Variants in ZNF675 observed in about 807,000 individuals in gnomAD.
ZNF675 encodes TRAF6 inhibitory zinc finger.
In ZNF675, 36 loss-of-function variants were observed where a neutral mutation model predicts 56.1. That is an observed-to-expected ratio of 0.64 (90% CI 0.49 to 0.85). ZNF675 has a LOEUF of 0.85. Among genes scored for constraint, ZNF675 ranks in the 40% least tolerant of loss-of-function variants. ZNF675 has a pLI of 0.00. For synonymous variants in ZNF675, 200 were observed against 218.9 expected (o/e 0.91, Z 0.76); for missense variants, 663 against 654.2 (o/e 1.01, Z -0.15).
intron 1 of ZNF675, among the ~76,000 whole-genome samples, chr19:23,683,111 T>A (rs1968398001): frequency 6.6e-6 from 1 of 151,028 alleles, no homozygotes; most frequent in Non-Finnish European, 1.5e-5. Flanking sequence ...ATCACTTGAA[T>A]CTGGGAGGCG....
chr19:23,669,191 G>T (rs1322281649), intron 1 of ZNF675, among the ~76,000 whole-genome samples: 7 of 152,228 alleles, frequency 4.6e-5, no homozygotes, highest in African/African-American at 1.7e-4. Flanking sequence ...GATGTTCTCT[G>T]AAGGCCAATG....
At chr19:23,683,914 A>G (rs910855649) in intron 1 of ZNF675, among the ~76,000 whole-genome samples, 2 of 152,134 alleles carry the variant, frequency 1.3e-5, no homozygotes, top group Non-Finnish European at 2.9e-5. Flanking sequence ...CTCTTTGCAC[A>G]TATTTTCTTC....
intron 1 of ZNF675, among the ~76,000 whole-genome samples, chr19:23,681,404 T>C (rs1271108869): frequency 6.6e-6 from 1 of 151,578 alleles, no homozygotes; most frequent in Non-Finnish European, 1.5e-5. Context: ...ATCACAGCTC[T>C]TGTCCTTTAA....
intron 1 of ZNF675, among the ~76,000 whole-genome samples, chr19:23,679,322 A>G (rs1283287581): frequency 1.3e-5 from 2 of 151,768 alleles, no homozygotes; most frequent in Admixed American, 1.3e-4. Context: ...TGCAGTAATA[A>G]CTATTTAGCA....
At chr19:23,672,521 T>A (rs1420177066) in intron 1 of ZNF675, among the ~76,000 whole-genome samples, 2 of 152,200 alleles carry the variant, frequency 1.3e-5, no homozygotes. Context: ...ATGTCCCCCG[T>A]ATGTTTTCTG....
Position 23,653,131 on chromosome 19 carries a change from T to C in ZNF675, c.*95A>G, listed in dbSNP as rs1259967314. 3.4e-6 allele frequency: 4 copies of C among 1,188,672 alleles called. No homozygotes were observed. Among genetic ancestry groups the C allele is most frequent in the Non-Finnish European group, 3.5e-6 (3 of 856,026 alleles). 73.6% of individuals were successfully genotyped at this position (1,188,672 alleles called of 1,614,324 possible). On this transcript the variant is annotated 3_prime_UTR_variant, in exon 4 of 4. Transcript: ENST00000359788. The stretch of plus-strand genomic sequence containing the variant: ...CATACAATGAAGTGTGAAAACCATT[T>C]AAAGTCTTTGACACATTCTTTACAT...
chr19:23,670,626 C>T (rs1294372601), intron 1 of ZNF675, among the ~76,000 whole-genome samples: 1 of 152,044 alleles, frequency 6.6e-6, no homozygotes, highest in Non-Finnish European at 1.5e-5. Flanking sequence ...AGGGGGAACA[C>T]TGTATTGAAC....
In ZNF675 at chr19:23,654,280, T is replaced by C; in HGVS notation, c.653A>G (p.His218Arg). 1.2e-6 allele frequency: 2 copies of C among 1,612,050 alleles called. No individual in the cohort carries two copies. The highest frequency in any genetic ancestry group is 1.3e-5 in the African/African-American group (1 of 74,788). ...TTTCTCACAAGTATAAATTCTTTTA[T>C]GTTTAGTAAGCTTTGAAGATTGGTT... ...AVNQSSKLTK[H>R]KRIYTCEKLY... Residue 218 changes from histidine (H) to arginine (R), a missense_variant, in exon 4 of 4, where the codon CAT (histidine) becomes CGT (arginine). His to Arg is a conservative substitution (Grantham distance 29). This residue lies in a region of ZNF675 where 617 missense variants were observed against 590.5 expected (regional missense o/e 1.04). Transcript: ENST00000359788.
At chr19:23,685,552 T>C (rs1003565072) in intron 1 of ZNF675, among the ~76,000 whole-genome samples, 1 of 152,180 alleles carries the variant, frequency 6.6e-6, no homozygotes, top group African/African-American at 2.4e-5. Flanking sequence ...TCTGATACTA[T>C]CTCTGTGCCT....
Position 23,662,107 on chromosome 19 carries a change from C to T in ZNF675, c.226+7G>A, listed in dbSNP as rs758643369. The stretch of plus-strand genomic sequence containing the variant: ...CACCTGTTGTATTCACTTTCATTCT[C>T]ACTTACCTGGGGGTTCATTCACCAT... On this transcript the variant is annotated splice_region_variant and intron_variant, in intron 3 of 3. Transcript: ENST00000359788. 51 of 1,608,504 alleles carry T rather than the reference C, an allele frequency of 3.2e-5. No individual in the cohort carries two copies. The highest frequency in any genetic ancestry group is 4.2e-5 in the Non-Finnish European group (49 of 1,175,274).
At chr19:23,685,640 T>C (rs1283633433) in intron 1 of ZNF675, among the ~76,000 whole-genome samples, 3 of 152,194 alleles carry the variant, frequency 2.0e-5, no homozygotes, top group African/African-American at 7.2e-5. Context: ...TTTCTTCTCA[T>C]AAAAAATATT....
chr19:23,668,204 T>C (rs1046454813), intron 1 of ZNF675, among the ~76,000 whole-genome samples: 1 of 149,800 alleles, frequency 6.7e-6, no homozygotes, highest in Non-Finnish European at 1.5e-5. Flanking sequence ...GATTGGTGTA[T>C]TTACAATCCC....
intron 1 of ZNF675, among the ~76,000 whole-genome samples, chr19:23,676,481 G>C (rs992456787): frequency 1.3e-5 from 2 of 151,584 alleles, no homozygotes; most frequent in Non-Finnish European, 2.9e-5. Flanking sequence ...ACCAAATCCA[G>C]CAGCACATCA....
In ZNF675 at chr19:23,687,134, G is replaced by A. The variant is rs1274145384; in HGVS notation, c.-101C>T. 4.1e-6 allele frequency: 6 copies of A among 1,459,986 alleles called. No homozygotes were observed. The highest frequency in any genetic ancestry group is 1.4e-5 in the African/African-American group (1 of 71,278). 90.4% of individuals were successfully genotyped at this position (1,459,986 alleles called of 1,614,324 possible). On this transcript the variant is annotated 5_prime_UTR_variant, in exon 1 of 4. Coordinates refer to ENST00000359788, the MANE Select transcript of ZNF675 (RefSeq NM_138330.3). Reference sequence around the variant, plus strand: ...TGGACCTCTAGGAGCAGAGGACACAGAGCAATGAAAGCGAGACCTGGAGCT... The same window carrying A: ...TGGACCTCTAGGAGCAGAGGACACAAAGCAATGAAAGCGAGACCTGGAGCT...
intron 3 of ZNF675, among the ~76,000 whole-genome samples, chr19:23,659,821 C>T (rs8099950): frequency 0.97 from 147,845 of 152,186 alleles, 71,979 homozygotes; most frequent in Middle Eastern, 1. Flanking sequence ...TACCCATTTA[C>T]AGCCATGTGG....
chr19:23,654,824 G>T, intron 3 of ZNF675, 118 bp from the exon 4 acceptor site: 1 of 749,562 alleles, frequency 1.3e-6, no homozygotes. Flanking sequence ...CCATAATTAA[G>T]TGTATGTGTT....
chr19:23,653,094 T>TA lies in ZNF675; in HGVS notation c.*131_*132insT. ...TTCACACTTGTAGTTTTCTCCAGTA[T>TA]GAATTATCTTACATACAATGAAGTG... On this transcript the variant is annotated 3_prime_UTR_variant, in exon 4 of 4. Transcript: ENST00000359788. The TA allele has an allele frequency of 1.2e-6, 1 of 837,596 alleles. No individual in the cohort carries two copies. 51.9% of individuals were successfully genotyped at this position (837,596 alleles called of 1,614,324 possible).
intron 1 of ZNF675, among the ~76,000 whole-genome samples, chr19:23,684,372 C>T (rs1968416363): frequency 6.6e-6 from 1 of 151,420 alleles, no homozygotes; most frequent in Non-Finnish European, 1.5e-5. Flanking sequence ...TGGCCCAGGG[C>T]AGTGGCTCAT....
intron 1 of ZNF675, among the ~76,000 whole-genome samples, chr19:23,665,974 A>G (rs1431522551): frequency 6.6e-6 from 1 of 152,188 alleles, no homozygotes; most frequent in Non-Finnish European, 1.5e-5. Context: ...CTGGCTCTTT[A>G]AAGTTTACAG....
Sources: gnomAD v4.1 joint callset for allele counts (sites outside exome capture counted in the v4.1 genomes callset) on GRCh38, gnomAD v4.1.1 for gene constraint, gnomAD v4.1.1 regional missense constraint, MANE v1.5 for transcripts, NCBI Gene and HGNC (gene_info 2026-07-23, HGNC 2026-07-21) for gene names.